DIP2C: variants seen among roughly 807,000 people sequenced by gnomAD.
The protein encoded by DIP2C is DIP2 acetate--CoA ligase C (putative), also known as disco-interacting protein 2 homolog C.
In DIP2C, 33 loss-of-function variants were observed where a neutral mutation model predicts 192.4. The ratio of observed to expected loss-of-function variants is 0.17; its 90% CI spans 0.13 to 0.23. The LOEUF (loss-of-function observed/expected upper bound fraction) is 0.23, where lower values mean the gene tolerates loss of function less well. DIP2C is among the 10% of genes least tolerant of loss of function. The pLI, the probability that DIP2C is intolerant of heterozygous loss-of-function variation, is 1.00. For synonymous variants in DIP2C, 979 were observed against 864.1 expected, an observed-to-expected ratio of 1.13 and a Z score of -2.33; for missense variants, 1,537 against 2,110.1, an observed-to-expected ratio of 0.73 and a Z score of 5.32.
intron 1 of DIP2C, among the ~76,000 whole-genome samples, chr10:533,058 C>T (rs936444077): frequency 2.6e-5 from 4 of 152,116 alleles, no homozygotes; most frequent in Non-Finnish European, 5.9e-5. Flanking sequence ...GAGTTTCCCA[C>T]ATAAACCCCA....
At chr10:633,316 G>C (rs1356342830) in intron 1 of DIP2C, among the ~76,000 whole-genome samples, 1 of 152,232 alleles carries the variant, frequency 6.6e-6, no homozygotes, top group African/African-American at 2.4e-5. Context: ...ACTGAGCAGA[G>C]AGAGAAAACG....
Position 689,599 on chromosome 10 carries a change from C to A in DIP2C, c.-21G>T. ...GCCATGCTCCGCGGGCGCCGCGCCC[C>A]GCACGGCCTCCTCTTTGTTCGCAGG... On this transcript the variant is annotated 5_prime_UTR_variant, in exon 1 of 37. Coordinates refer to ENST00000280886, the MANE Select transcript of DIP2C (RefSeq NM_014974.3). This position sits in a 1 kb window ranked among gnomAD's most constrained non-coding sequence, Gnocchi z 6.1. The A allele has an allele frequency of 8.8e-7, 1 of 1,132,406 alleles. No individual in the cohort carries two copies. Among genetic ancestry groups the A allele is most frequent in the African/African-American group, 1.7e-5 (1 of 59,760 alleles). The allele number at this position is 1,132,406 out of a possible 1,614,324, so 70.1% of individuals were successfully genotyped here.
In DIP2C at chr10:689,620, G is replaced by T. The variant is rs2119127569; in HGVS notation, c.-42C>A. On this transcript the variant is annotated 5_prime_UTR_variant, in exon 1 of 37. Transcript: ENST00000280886. This position sits in a 1 kb window ranked among gnomAD's most constrained non-coding sequence, Gnocchi z 6.1. The stretch of plus-strand genomic sequence containing the variant: ...GCCCCGCACGGCCTCCTCTTTGTTC[G>T]CAGGCGGAGGTCTCGGCGGCTCCTC... 1 of 1,084,376 alleles carries T rather than the reference G, an allele frequency of 9.2e-7. No individual in the cohort carries two copies. The highest frequency in any genetic ancestry group is 1.1e-6 in the Non-Finnish European group (1 of 892,006). 67.2% of individuals were successfully genotyped at this position (1,084,376 alleles called of 1,614,324 possible). A position where few individuals can be genotyped will look rare whatever the true frequency, so the allele number is the denominator to read the frequency against.
chr10:599,836 CATGCACTGAGG>C (rs1353414390), intron 1 of DIP2C, among the ~76,000 whole-genome samples: 2 of 152,192 alleles, frequency 1.3e-5, no homozygotes, highest in Non-Finnish European at 2.9e-5. Context: ...GACTTTCCTC[CATGCACTGAGG>C]ATGCACTGTG....
intron 32 of DIP2C, among the ~76,000 whole-genome samples, chr10:294,680 C>T (rs998636611): frequency 6.6e-6 from 1 of 151,752 alleles, no homozygotes; most frequent in Admixed American, 6.6e-5. Flanking sequence ...AATTTATGTC[C>T]ATTCATAAAG....
chr10:402,676 C>T lies in DIP2C; in HGVS notation c.1150-3457G>A, dbSNP rs1257226309. On this transcript the variant is annotated intron_variant, in intron 9 of 36. Transcript: ENST00000280886. ...CATTAGCATTACTCTTCCTTATGGA[C>T]AAGTTTGGTATGTGTTCATCAGCAC... Among the ~76,000 whole-genome samples, 8 of 19,112 alleles carry T rather than the reference C, an allele frequency of 4.2e-4. 3 individuals carry two copies. Among genetic ancestry groups the T allele is most frequent in the African/African-American group, 4.5e-4 (8 of 17,870 alleles). 12.5% of individuals were successfully genotyped at this position (19,112 alleles called of 152,430 possible). A position where few individuals can be genotyped will look rare whatever the true frequency, so the allele number is the denominator to read the frequency against.
chr10:526,811 C>T (rs75497619), intron 1 of DIP2C, among the ~76,000 whole-genome samples: 6,232 of 152,258 alleles, frequency 0.041, 168 homozygotes, highest in East Asian at 0.076. Context: ...GTCCCGCCAG[C>T]ACCATCTTCT....
At chr10:682,561 T>A (rs2119093376) in intron 1 of DIP2C, among the ~76,000 whole-genome samples, 1 of 152,180 alleles carries the variant, frequency 6.6e-6, no homozygotes, top group Non-Finnish European at 1.5e-5. Context: ...ATTAAAACGA[T>A]GAAGTAGCAA....
At chr10:291,566 T>TC (rs367613628) in intron 32 of DIP2C, among the ~76,000 whole-genome samples, 415 of 152,308 alleles carry the variant, frequency 2.7e-3, no homozygotes, top group Middle Eastern at 0.024. Context: ...GCTGATTCCC[T>TC]CCATGTGCAA....
At chr10:563,109 T>C (rs1287725753) in intron 1 of DIP2C, among the ~76,000 whole-genome samples, 1 of 152,240 alleles carries the variant, frequency 6.6e-6, no homozygotes, top group Admixed American at 6.5e-5. Context: ...TGGAGGCCTG[T>C]AATCTGAAGT....
At chr10:664,505 G>A (rs934496537) in intron 1 of DIP2C, 2 of 152,112 alleles carry the variant, frequency 1.3e-5, no homozygotes, top group Non-Finnish European at 2.9e-5. Context: ...TGTTTCATGT[G>A]GTTAATAAAT....
chr10:647,918 CT>C (rs1427959328), intron 1 of DIP2C, among the ~76,000 whole-genome samples: 8 of 151,058 alleles, frequency 5.3e-5, no homozygotes, highest in Non-Finnish European at 1.0e-4. Context: ...CAGAGGGAAA[CT>C]GAATCCACGT....
intron 24 of DIP2C, among the ~76,000 whole-genome samples, chr10:352,752 G>A (rs934820397): frequency 1.3e-5 from 2 of 152,260 alleles, no homozygotes; most frequent in East Asian, 1.9e-4. Flanking sequence ...CACCTGCAGC[G>A]ACTGAGCAGT....
At chr10:351,437 C>A (rs1958805686) in intron 24 of DIP2C, among the ~76,000 whole-genome samples, 1 of 152,172 alleles carries the variant, frequency 6.6e-6, no homozygotes, top group Non-Finnish European at 1.5e-5. Context: ...AGGGCCAGGA[C>A]CAGGGCTGCG....
At chr10:622,396 GGGGA>G (rs1222150796) in intron 1 of DIP2C, among the ~76,000 whole-genome samples, 5 of 132,258 alleles carry the variant, frequency 3.8e-5, no homozygotes, top group African/African-American at 1.4e-4. Context: ...GAGGGAGGAG[GGGGA>G]GGGAGGGAGG....
At chr10:619,537 G>GCCCTACCTCCCTCCCT (rs528029497) in intron 1 of DIP2C, among the ~76,000 whole-genome samples, 1 of 51,330 alleles carries the variant, frequency 1.9e-5, no homozygotes, top group African/African-American at 5.2e-5. Context: ...AAGCCCGCCC[G>GCCCTACCTCCCTCCCT]CCCGCCCTCC....
At chr10:497,828 T>C (rs1588304000) in intron 1 of DIP2C, among the ~76,000 whole-genome samples, 1 of 152,172 alleles carries the variant, frequency 6.6e-6, no homozygotes, top group East Asian at 1.9e-4. Context: ...CAAAAAAAAT[T>C]AGCTATTTTG....
At chr10:405,923 TC>T (rs1964771754) in intron 9 of DIP2C, among the ~76,000 whole-genome samples, 2 of 152,164 alleles carry the variant, frequency 1.3e-5, no homozygotes, top group South Asian at 2.1e-4. Context: ...TCATCTTTTC[TC>T]CTCGAGAGCC....
chr10:424,582 T>C (rs1281862165), intron 4 of DIP2C, among the ~76,000 whole-genome samples: 1 of 152,120 alleles, frequency 6.6e-6, no homozygotes. Flanking sequence ...GCCAGGCTGG[T>C]CTCGAACTCC....
Sources: gnomAD v4.1 joint callset for allele counts (sites outside exome capture counted in the v4.1 genomes callset) on GRCh38, gnomAD v4.1.1 for gene constraint, Gnocchi (gnomAD v3.1) non-coding constraint, MANE v1.5 for transcripts, NCBI Gene and HGNC (gene_info 2026-07-23, HGNC 2026-07-21) for gene names.